PLXNA2: variants seen among roughly 807,000 people sequenced by gnomAD.
PLXNA2 encodes plexin A2.
PLXNA2 carries 91 observed loss-of-function variants against 193.5 expected under a neutral mutation model. The observed-to-expected ratio is 0.47, with a 90% CI of 0.40 to 0.56. The LOEUF (loss-of-function observed/expected upper bound fraction) is 0.56. Ranked by LOEUF, PLXNA2 falls within the 20% of genes least tolerant of loss-of-function variation. PLXNA2 has a pLI of 0.00. For missense variants in PLXNA2, 1,995 were observed against 2,503.2 expected, an observed-to-expected ratio of 0.80 and a Z score of 4.33; for synonymous variants, 997 against 1,027.3, an observed-to-expected ratio of 0.97 and a Z score of 0.56.
chr1:208,091,868 CAAA>C (rs10655053), intron 9 of PLXNA2, among the ~76,000 whole-genome samples: 2 of 130,992 alleles, frequency 1.5e-5, no homozygotes, highest in Non-Finnish European at 1.6e-5. Flanking sequence ...GACTTCATAT[CAAA>C]AAAAAAAAAA....
intron 3 of PLXNA2, among the ~76,000 whole-genome samples, chr1:208,184,608 T>G (rs1211317690): frequency 6.6e-6 from 1 of 152,042 alleles, no homozygotes; most frequent in African/African-American, 2.4e-5. Flanking sequence ...TGAAAGCTGT[T>G]GACATGATGG....
intron 4 of PLXNA2, among the ~76,000 whole-genome samples, chr1:208,111,558 G>A (rs1037682161): frequency 5.3e-5 from 8 of 152,098 alleles, no homozygotes; most frequent in South Asian, 2.1e-4. Flanking sequence ...TGGGCACTCC[G>A]GTTATGCCTC....
intron 3 of PLXNA2, among the ~76,000 whole-genome samples, chr1:208,156,172 C>T (rs534214292): frequency 5.3e-5 from 8 of 152,256 alleles, no homozygotes; most frequent in East Asian, 3.9e-4. Context: ...AGAGGTTTCT[C>T]GGGTTCCTGA....
chr1:208,041,806 C>G (rs185505722), intron 22 of PLXNA2, among the ~76,000 whole-genome samples: 6 of 152,364 alleles, frequency 3.9e-5, no homozygotes, highest in Middle Eastern at 6.8e-3. Context: ...GGTTACAACA[C>G]TGGCCAGAAA....
intron 3 of PLXNA2, among the ~76,000 whole-genome samples, chr1:208,155,720 C>T (rs1239406971): frequency 1.3e-5 from 2 of 151,172 alleles, no homozygotes; most frequent in African/African-American, 4.8e-5. Flanking sequence ...CTGGACTTGT[C>T]CCACCCTCCC....
intron 29 of PLXNA2, chr1:208,029,282 G>C: frequency 7.5e-7 from 1 of 1,335,866 alleles, no homozygotes; most frequent in Non-Finnish European, 9.6e-7. Context: ...TAACATCCGA[G>C]GGGTGGGCCT....
chr1:208,032,421 T>C (rs1450617355), intron 28 of PLXNA2, among the ~76,000 whole-genome samples: 2 of 152,184 alleles, frequency 1.3e-5, no homozygotes, highest in African/African-American at 2.4e-5. Flanking sequence ...ATCTCTTTGT[T>C]GGTCTCTTGT....
At chr1:208,064,914 A>G (rs1665742433) in intron 12 of PLXNA2, among the ~76,000 whole-genome samples, 1 of 151,156 alleles carries the variant, frequency 6.6e-6, no homozygotes, top group Non-Finnish European at 1.5e-5. Flanking sequence ...CTGTGTCCCC[A>G]GGGCTCTCTC....
intron 1 of PLXNA2, 73 bp from the exon 2 acceptor site, chr1:208,218,075 G>T: frequency 7.3e-7 from 1 of 1,374,872 alleles, no homozygotes; most frequent in Non-Finnish European, 9.9e-7. Context: ...GCCTGACCCA[G>T]GGTCCCCATC....
intron 22 of PLXNA2, among the ~76,000 whole-genome samples, chr1:208,041,778 G>A (rs1171373859): frequency 6.6e-6 from 1 of 152,236 alleles, no homozygotes; most frequent in Non-Finnish European, 1.5e-5. Context: ...TGTCTAGGAG[G>A]AAACTAAACA....
chr1:208,170,312 A>T (rs1669450057), intron 3 of PLXNA2, among the ~76,000 whole-genome samples: 1 of 152,276 alleles, frequency 6.6e-6, no homozygotes, highest in African/African-American at 2.4e-5. Context: ...AAGAAGCATT[A>T]AACAAAGACC....
intron 1 of PLXNA2, among the ~76,000 whole-genome samples, chr1:208,237,891 G>C (rs138562170): frequency 8.9e-4 from 136 of 152,252 alleles, no homozygotes; most frequent in African/African-American, 3.1e-3. Flanking sequence ...TTTCATCCTT[G>C]TATTAGGAGG....
At chr1:208,141,855 A>G (rs538424751) in intron 4 of PLXNA2, among the ~76,000 whole-genome samples, 4 of 152,194 alleles carry the variant, frequency 2.6e-5, no homozygotes, top group Non-Finnish European at 5.9e-5. Flanking sequence ...TCAGCTTCCC[A>G]GAGCTGACCA....
At chr1:208,092,202 G>A (rs1308000414) in intron 9 of PLXNA2, among the ~76,000 whole-genome samples, 1 of 152,210 alleles carries the variant, frequency 6.6e-6, no homozygotes, top group Admixed American at 6.5e-5. Context: ...TAATAACAAA[G>A]GTGGGTCAGG....
At chr1:208,184,851 C>T (rs1669948716) in intron 3 of PLXNA2, among the ~76,000 whole-genome samples, 2 of 152,076 alleles carry the variant, frequency 1.3e-5, no homozygotes, top group African/African-American at 2.4e-5. Context: ...CAGGCTTAAG[C>T]GGGGGGCCAG....
At chr1:208,200,712 C>T (rs998591806) in intron 3 of PLXNA2, among the ~76,000 whole-genome samples, 1 of 151,784 alleles carries the variant, frequency 6.6e-6, no homozygotes, top group Non-Finnish European at 1.5e-5. Context: ...CTGCCTCCTG[C>T]CTCAGCCTCC....
chr1:208,196,184 C>A (rs1314070336), intron 3 of PLXNA2, among the ~76,000 whole-genome samples: 1 of 152,082 alleles, frequency 6.6e-6, no homozygotes, highest in African/African-American at 2.4e-5. Context: ...TAGTAGGAGC[C>A]AAAACAGCAC....
At position 208,096,803 on chromosome 1, in the gene PLXNA2, C is replaced by CCCCT. The variant is rs1289513260; in HGVS notation, c.1808_1811dup (p.Gln605GlyfsTer81). On this transcript the variant is annotated frameshift_variant, in exon 7 of 32. Coordinates refer to ENST00000367033, the MANE Select transcript of PLXNA2 (RefSeq NM_025179.4). LOFTEE classifies it high-confidence loss of function. Reference sequence around the variant, plus strand: ...AGATGACCTGGCTCCCGGACACCTGCCCCTCCACCTCTGTCAGGTTCCCAA... The same window carrying CCCCT: ...AGATGACCTGGCTCCCGGACACCTGCCCCTCCCTCCACCTCTGTCAGGTTCCCAA... 1 of 1,614,124 alleles carries CCCCT rather than the reference C, an allele frequency of 6.2e-7. No individual in the cohort carries two copies. Among genetic ancestry groups the CCCCT allele is most frequent in the East Asian group, 2.2e-5 (1 of 44,876 alleles).
chr1:208,109,792 A>G (rs1294750432), intron 4 of PLXNA2, among the ~76,000 whole-genome samples: 1 of 152,212 alleles, frequency 6.6e-6, no homozygotes, highest in Non-Finnish European at 1.5e-5. Flanking sequence ...GTGGCCCAGG[A>G]GTCCACTGCG....
Sources: gnomAD v4.1 joint callset for allele counts (sites outside exome capture counted in the v4.1 genomes callset) on GRCh38, gnomAD v4.1.1 for gene constraint, MANE v1.5 for transcripts, NCBI Gene and HGNC (gene_info 2026-07-23, HGNC 2026-07-21) for gene names.